Variants in NEK10 observed in about 807,000 individuals in gnomAD.
NEK10 encodes the protein serine/threonine-protein kinase Nek10.
In NEK10, 122 loss-of-function variants were observed where a neutral mutation model predicts 159.8. That is an observed-to-expected ratio of 0.76 (90% CI 0.66 to 0.89). The LOEUF is 0.89. Ranked by LOEUF, NEK10 falls within the 40% of genes least tolerant of loss-of-function variation. The pLI is 0.00. For missense variants in NEK10, 1,342 were observed against 1,323.1 expected (o/e 1.01, Z -0.22); for synonymous variants, 466 against 457.1 (o/e 1.02, Z -0.25).
At chr3:27,287,660 T>G in intron 20 of NEK10, 38 bp downstream of exon 20, 2 of 1,548,190 alleles carry the variant, frequency 1.3e-6, no homozygotes, top group Non-Finnish European at 1.7e-6. Flanking sequence ...GACAAAAATG[T>G]TTCCTTATTT....
chr3:27,278,865 G>A, intron 22 of NEK10: 1 of 984,420 alleles, frequency 1.0e-6, no homozygotes, highest in African/African-American at 1.7e-5. Context: ...TATTTGGCAA[G>A]TGACAGTATT....
At chr3:27,263,523 C>T (rs1018757751) in intron 22 of NEK10, among the ~76,000 whole-genome samples, 4 of 152,198 alleles carry the variant, frequency 2.6e-5, no homozygotes, top group Non-Finnish European at 4.4e-5. Flanking sequence ...ATGGCAGGCA[C>T]CCCTCCCCCA....
chr3:27,199,578 T>A (rs1278072826), intron 25 of NEK10, among the ~76,000 whole-genome samples: 1 of 152,114 alleles, frequency 6.6e-6, no homozygotes. Flanking sequence ...AAAACAGAAC[T>A]ACCATTCAAC....
chr3:27,201,522 T>C lies in NEK10; in HGVS notation c.2279A>G (p.Asp760Gly), dbSNP rs751641783. The change falls in exon 25 of 36, where the codon GAC (aspartate) becomes GGC (glycine). Residue 760 changes from aspartate to glycine, a missense_variant. Asp to Gly is a moderately conservative substitution (Grantham distance 94, BLOSUM62 -1). Transcript: ENST00000691995. The part of the protein sequence containing the change: ...PEGIYSEKVT[D>G]TISRCLTPDA... ...CAAGACTAATTACCTGCTGATGGTG[T>C]CTGTTACTTTTTCAGAGTAGATACC... is the stretch of plus-strand genomic sequence containing the variant. 7 of 1,613,824 alleles carry C rather than the reference T, an allele frequency of 4.3e-6. No individual in the cohort carries two copies. Among genetic ancestry groups the C allele is most frequent in the Admixed American group, 1.7e-5 (1 of 59,988 alleles).
intron 29 of NEK10, among the ~76,000 whole-genome samples, chr3:27,167,341 G>A (rs1162367153): frequency 6.6e-6 from 1 of 152,114 alleles, no homozygotes; most frequent in African/African-American, 2.4e-5. Flanking sequence ...CTGTGCCCTG[G>A]AGAATGCAAA....
Position 27,109,614 on chromosome 3 carries a change from T to C in NEK10, c.*1658A>G, listed in dbSNP as rs1482391226. 6.6e-6 allele frequency among the ~76,000 whole-genome samples: 1 copy of C among 152,208 alleles called. No homozygotes were observed. The highest frequency in any genetic ancestry group is 2.4e-5 in the African/African-American group (1 of 41,454). ...ATTAGAATTTGTGCCCCTCCAGGTC[T>C]GTGCTTCCTGCATGAAGAAGAAATG... On this transcript the variant is annotated 3_prime_UTR_variant, in exon 36 of 36. Transcript: ENST00000691995.
chr3:27,112,029 C>T (rs546032342), intron 35 of NEK10, among the ~76,000 whole-genome samples: 73 of 152,266 alleles, frequency 4.8e-4, no homozygotes, highest in African/African-American at 1.6e-3. Context: ...TCCTAGCTCC[C>T]TTTTTCCCAG....
Position 27,331,237 on chromosome 3 carries a change from C to CAAAAAAAAAAAAAA in NEK10, c.363-8977_363-8976insTTTTTTTTTTTTTT, listed in dbSNP as rs11351970. ...TGGGTGATAAAGTAAGACTCTGTCTCAAAAAAAAAAAAACAAAAAAAAAAA... is the reference window on the plus strand; with the variant it reads ...TGGGTGATAAAGTAAGACTCTGTCTCAAAAAAAAAAAAAAAAAAAAAAAAAAACAAAAAAAAAAA... On this transcript the variant is annotated intron_variant, in intron 5 of 35. Transcript: ENST00000691995. 9.2e-3 allele frequency among the ~76,000 whole-genome samples: 271 copies of CAAAAAAAAAAAAAA among 29,518 alleles called. 13 individuals are homozygous for CAAAAAAAAAAAAAA. Among genetic ancestry groups the CAAAAAAAAAAAAAA allele is most frequent in the African/African-American group, 0.012 (213 of 17,156 alleles). The allele number at this position is 29,518 out of a possible 152,430, so 19.4% of individuals were successfully genotyped here. A position where few individuals can be genotyped will look rare whatever the true frequency, so the allele number is the denominator to read the frequency against.
intron 23 of NEK10, among the ~76,000 whole-genome samples, chr3:27,249,491 C>T (rs946925949): frequency 4.6e-5 from 7 of 152,154 alleles, no homozygotes; most frequent in Admixed American, 2.0e-4. Flanking sequence ...TTTGTCTCTT[C>T]TTACAGTTTT....
chr3:27,225,231 A>G (rs957811163), intron 23 of NEK10, among the ~76,000 whole-genome samples: 56 of 152,282 alleles, frequency 3.7e-4, no homozygotes, highest in African/African-American at 1.3e-3. Flanking sequence ...GCCTGCTTAT[A>G]TTCTGGCCAT....
chr3:27,173,954 G>A lies in NEK10; in HGVS notation c.2776+485C>T, dbSNP rs188924299. Among the ~76,000 whole-genome samples the A allele has an allele frequency of 1.1e-3, 164 of 151,752 alleles. 1 individual carries two copies. Among genetic ancestry groups the A allele is most frequent in the African/African-American group, 3.6e-3 (149 of 41,382 alleles). On this transcript the variant is annotated intron_variant, in intron 28 of 35. Transcript: ENST00000691995. ...AAGAGTCAAGATTAACATTATGGAC[G>A]GAATTTATATGTCATATTTTTAATA...
intron 23 of NEK10, among the ~76,000 whole-genome samples, chr3:27,229,026 AC>A (rs1341388609): frequency 6.6e-6 from 1 of 151,916 alleles, no homozygotes; most frequent in Non-Finnish European, 1.5e-5. Flanking sequence ...ACTCAGGGAT[AC>A]CCCCCCTACT....
intron 22 of NEK10, among the ~76,000 whole-genome samples, chr3:27,269,206 A>C (rs1367303451): frequency 3.9e-5 from 6 of 152,206 alleles, no homozygotes; most frequent in Non-Finnish European, 7.3e-5. Context: ...ATGACAAGAA[A>C]AGATTTAGAA....
At chr3:27,264,789 G>A (rs1420810456) in intron 22 of NEK10, among the ~76,000 whole-genome samples, 3 of 152,022 alleles carry the variant, frequency 2.0e-5, no homozygotes, top group Non-Finnish European at 4.4e-5. Flanking sequence ...AGTTACTCAG[G>A]AGGCTGAGAC....
rs1409202565 is a variant in NEK10, at chr3:27,312,314, G to A, written c.490-137C>T. ...ATCAAATAATACTCTCATGCTCCTG[G>A]AACAGTTATCGCTCAAGTGCAAAAG... is the stretch of plus-strand genomic sequence containing the variant. On this transcript the variant is annotated intron_variant, in intron 7 of 35. Transcript: ENST00000691995. The A allele has an allele frequency of 1.4e-5, 7 of 510,200 alleles. No individual in the cohort carries two copies. In the African/African-American group the frequency reaches 1.4e-4, roughly 10 times the overall value. The allele number at this position is 510,200 out of a possible 1,614,324, so 31.6% of individuals were successfully genotyped here. A position where few individuals can be genotyped will look rare whatever the true frequency, so the allele number is the denominator to read the frequency against.
intron 23 of NEK10, among the ~76,000 whole-genome samples, chr3:27,249,486 CTCT>C (rs1215367401): frequency 6.6e-6 from 1 of 152,018 alleles, no homozygotes; most frequent in Non-Finnish European, 1.5e-5. Flanking sequence ...CTTTCTTTGT[CTCT>C]TCTTACAGTT....
At chr3:27,340,023 T>C (rs1329741900) in intron 5 of NEK10, among the ~76,000 whole-genome samples, 1 of 152,130 alleles carries the variant, frequency 6.6e-6, no homozygotes, top group Non-Finnish European at 1.5e-5. Flanking sequence ...ATCCAAAGTA[T>C]TATAAATCAT....
rs540628655 is a variant in NEK10, at chr3:27,364,963, A to T, written c.-38+4262T>A. Among the ~76,000 whole-genome samples the T allele has an allele frequency of 5.3e-5, 8 of 152,348 alleles. No individual in the cohort carries two copies. The South Asian group carries it at 1.7e-3, about 32-fold the overall frequency. ...TTTACACATGAAGGAAATGAGGCCC[A>T]GTGAGGTTCATTCATTTGCCAAGGT... is the stretch of plus-strand genomic sequence containing the variant. On this transcript the variant is annotated intron_variant, in intron 1 of 35. Coordinates refer to ENST00000691995, the MANE Select transcript of NEK10 (RefSeq NM_001394966.1).
chr3:27,187,918 T>C (rs1948768279), intron 26 of NEK10, among the ~76,000 whole-genome samples: 1 of 152,182 alleles, frequency 6.6e-6, no homozygotes, highest in Admixed American at 6.5e-5. Context: ...TCCAGCCTAC[T>C]TCCCCAGGCT....
Sources: gnomAD v4.1 joint callset for allele counts (sites outside exome capture counted in the v4.1 genomes callset) on GRCh38, gnomAD v4.1.1 for gene constraint, MANE v1.5 for transcripts, NCBI Gene and HGNC (gene_info 2026-07-23, HGNC 2026-07-21) for gene names.